SEC24B: variants seen among roughly 807,000 people sequenced by gnomAD.
SEC24B encodes the protein protein transport protein Sec24B.
A neutral mutation model predicts 142.8 loss-of-function variants in SEC24B; 45 were observed. The observed-to-expected ratio is 0.32, with a 90% CI of 0.25 to 0.40. SEC24B has a LOEUF of 0.40. Among genes scored for constraint, SEC24B ranks in the 10% least tolerant of loss-of-function variants. The probability of loss-of-function intolerance (pLI) is 1.00; values close to 1 mark genes in which losing one functional copy is unlikely to be tolerated. For synonymous variants in SEC24B, 574 were observed against 568.2 expected (o/e 1.01, Z -0.15); for missense variants, 1,409 against 1,526.8 (o/e 0.92, Z 1.29).
chr4:109,457,015 T>C (rs777175668), intron 1 of SEC24B, among the ~76,000 whole-genome samples: 31 of 152,236 alleles, frequency 2.0e-4, no homozygotes, highest in Admixed American at 2.0e-3. Flanking sequence ...AGGGTTCACA[T>C]TGCAGCCATC....
chr4:109,534,075 C>G (rs1725227532), intron 22 of SEC24B, among the ~76,000 whole-genome samples: 1 of 150,178 alleles, frequency 6.7e-6, no homozygotes, highest in Non-Finnish European at 1.5e-5. Context: ...CAGAGTCTTG[C>G]TCTGTCGCCC....
intron 4 of SEC24B, among the ~76,000 whole-genome samples, chr4:109,483,936 T>C (rs1000558375): frequency 6.6e-6 from 1 of 152,244 alleles, no homozygotes; most frequent in Non-Finnish European, 1.5e-5. Flanking sequence ...CATTTGCAAG[T>C]AAATTGGAGA....
At chr4:109,505,115 A>G (rs1736547351) in intron 6 of SEC24B, among the ~76,000 whole-genome samples, 1 of 152,098 alleles carries the variant, frequency 6.6e-6, no homozygotes, top group Non-Finnish European at 1.5e-5. Flanking sequence ...TGAATACCTT[A>G]TTGTATTAGT....
At chr4:109,438,894 A>G (rs567240910) in intron 1 of SEC24B, among the ~76,000 whole-genome samples, 25 of 152,276 alleles carry the variant, frequency 1.6e-4, no homozygotes, top group African/African-American at 6.0e-4. Flanking sequence ...CATTAATTGA[A>G]TATTTCTTAC....
At chr4:109,521,289 G>A in intron 13 of SEC24B, 117 bp downstream of exon 13, 1 of 957,478 alleles carries the variant, frequency 1.0e-6, no homozygotes, top group Non-Finnish European at 1.6e-6. Context: ...CAATATAAAT[G>A]GCATATCTAT....
chr4:109,510,838 C>T (rs977397068), intron 8 of SEC24B, among the ~76,000 whole-genome samples: 1 of 152,034 alleles, frequency 6.6e-6, no homozygotes, highest in Non-Finnish European at 1.5e-5. Flanking sequence ...ACCCTTCTTA[C>T]TGGTTCTGAG....
chr4:109,462,298 A>G lies in SEC24B; in HGVS notation c.134-603A>G, dbSNP rs566164273. Reference sequence around the variant, plus strand: ...ACCCCCTAAGCTTAACAACTTGTAAAACAACAACTATTTATTTCACAGTTT... The same window carrying G: ...ACCCCCTAAGCTTAACAACTTGTAAGACAACAACTATTTATTTCACAGTTT... On this transcript the variant is annotated intron_variant, in intron 1 of 23. Transcript: ENST00000265175. Among the ~76,000 whole-genome samples the G allele has an allele frequency of 1.0e-3, 155 of 152,330 alleles. 2 individuals are homozygous for G. Among genetic ancestry groups the G allele is most frequent in the South Asian group, 3.3e-3 (16 of 4,828 alleles).
At chr4:109,505,160 A>G (rs565621546) in intron 6 of SEC24B, among the ~76,000 whole-genome samples, 119 of 152,186 alleles carry the variant, frequency 7.8e-4, no homozygotes, top group African/African-American at 2.8e-3. Flanking sequence ...TTAGAATTAT[A>G]TAAATGTTAT....
chr4:109,498,990 T>C (rs1282566898), intron 6 of SEC24B, among the ~76,000 whole-genome samples: 1 of 152,160 alleles, frequency 6.6e-6, no homozygotes. Flanking sequence ...AAACCAGATA[T>C]AGATACTATA....
intron 6 of SEC24B, among the ~76,000 whole-genome samples, chr4:109,500,816 G>A (rs958882180): frequency 2.0e-5 from 3 of 151,754 alleles, no homozygotes; most frequent in Admixed American, 6.6e-5. Context: ...CCAGTACCAC[G>A]CCCGGCTAAT....
chr4:109,491,443 A>C (rs1287711687), intron 5 of SEC24B, 36 bp downstream of exon 5: 18 of 1,482,466 alleles, frequency 1.2e-5, no homozygotes, highest in African/African-American at 2.8e-5. Flanking sequence ...CTTCATTTTG[A>C]AAGTTATTGA....
intron 1 of SEC24B, among the ~76,000 whole-genome samples, chr4:109,440,241 A>G (rs1266721360): frequency 6.6e-6 from 1 of 151,632 alleles, no homozygotes; most frequent in African/African-American, 2.4e-5. Flanking sequence ...GTGTCTTTTC[A>G]CTCCCTTCCT....
chr4:109,513,807 C>T lies in SEC24B; in HGVS notation c.1964C>T (p.Pro655Leu). ...TRSYGEPHKR[P>L]EVQNSTVEFI... ...TCTTATGGAGAGCCTCATAAACGAC[C>T]AGAAGTTCAGAATTCAACTGTGGAG... Residue 655 changes from proline (P) to leucine (L), a missense_variant, in exon 10 of 24, where the codon CCA becomes CTA. Pro to Leu is a moderately conservative substitution (Grantham distance 98). Coordinates refer to ENST00000265175, the MANE Select transcript of SEC24B (RefSeq NM_006323.5). 1 of 1,613,234 alleles carries T rather than the reference C, an allele frequency of 6.2e-7. No individual in the cohort carries two copies. Among genetic ancestry groups the T allele is most frequent in the Non-Finnish European group, 8.5e-7 (1 of 1,179,368 alleles).
chr4:109,521,146 C>G lies in SEC24B; in HGVS notation c.2275C>G (p.Leu759Val), dbSNP rs377350570. ...TTTTCTACCTACACCGGATAGTTTA[C>G]TTGTGAATCTATATGAAAGTAAAGA... The part of the protein sequence containing the change: ...DVFLPTPDSL[L>V]VNLYESKELI... Residue 759 changes from leucine to valine, a missense_variant, in exon 13 of 24, where the codon CTT becomes GTT. Physicochemically the swap from Leu to Val is conservative, Grantham distance 32 (BLOSUM62 1). Around this residue, in one of 2 missense-constraint regions of SEC24B, gnomAD observed 700 missense variants for 853.3 expected, o/e 0.82. Transcript: ENST00000265175. 3.8e-5 allele frequency: 58 copies of G among 1,523,486 alleles called. No individual in the cohort carries two copies. Among genetic ancestry groups the G allele is most frequent in the Non-Finnish European group, 5.1e-5 (56 of 1,102,472 alleles). The allele number at this position is 1,523,486 out of a possible 1,614,324, so 94.4% of individuals were successfully genotyped here. A position where few individuals can be genotyped will look rare whatever the true frequency, so the allele number is the denominator to read the frequency against.
At chr4:109,438,121 A>T (rs900035349) in intron 1 of SEC24B, among the ~76,000 whole-genome samples, 1 of 152,122 alleles carries the variant, frequency 6.6e-6, no homozygotes, top group Admixed American at 6.5e-5. Context: ...AAGTAGGTAC[A>T]TTTTCTACCA....
In SEC24B at chr4:109,481,668, A is replaced by G; in HGVS notation, c.1061-9A>G. 6.3e-7 allele frequency: 1 copy of G among 1,586,976 alleles called. No individual in the cohort carries two copies. Among genetic ancestry groups the G allele is most frequent in the Non-Finnish European group, 8.6e-7 (1 of 1,163,542 alleles). ...TTTGACTCTTATGTTTGTGCTTTCC[A>G]CTTTACAGGCGTGCAGTATGGTGAA... On this transcript the variant is annotated splice_polypyrimidine_tract_variant and intron_variant, in intron 3 of 23. Transcript: ENST00000265175.
chr4:109,512,128 T>G (rs781577125), intron 9 of SEC24B, 45 bp downstream of exon 9: 21 of 1,534,940 alleles, frequency 1.4e-5, no homozygotes, highest in Middle Eastern at 2.2e-4. Context: ...ATTTTCAGGT[T>G]TTTTTTTTTG....
At chr4:109,535,851 C>CAAAAGA (rs548429352) in intron 22 of SEC24B, among the ~76,000 whole-genome samples, 352 of 150,302 alleles carry the variant, frequency 2.3e-3, no homozygotes, top group African/African-American at 8.1e-3. Flanking sequence ...GACTCCGTCT[C>CAAAAGA]AAAAAAAAAG....
chr4:109,440,101 C>A (rs1269780663), intron 1 of SEC24B, among the ~76,000 whole-genome samples: 3 of 144,072 alleles, frequency 2.1e-5, no homozygotes, highest in Admixed American at 1.4e-4. Flanking sequence ...GCCTGGGGGA[C>A]AAGAGCGAGA....
Sources: allele counts gnomAD v4.1 joint callset (sites outside exome capture counted in the v4.1 genomes callset), GRCh38; gene constraint gnomAD v4.1.1; regional missense constraint gnomAD v4.1.1; transcripts MANE v1.5; gene names NCBI Gene and HGNC (gene_info 2026-07-23, HGNC 2026-07-21).